PDE1C: variants seen among roughly 807,000 people sequenced by gnomAD.
PDE1C encodes dual specificity calcium/calmodulin-dependent 3',5'-cyclic nucleotide phosphodiesterase 1C.
A neutral mutation model predicts 93.1 loss-of-function variants in PDE1C; 62 were observed. The observed-to-expected ratio is 0.67, with a 90% CI of 0.54 to 0.82. PDE1C has a LOEUF of 0.82. PDE1C is among the 40% of genes least tolerant of loss of function. The probability of loss-of-function intolerance (pLI) is 0.00; values close to 1 mark genes in which losing one functional copy is unlikely to be tolerated. For synonymous variants in PDE1C, 325 were observed against 310.1 expected (o/e 1.05, Z -0.50); for missense variants, 742 against 884.6 (o/e 0.84, Z 2.04).
intron 1 of PDE1C, among the ~76,000 whole-genome samples, chr7:32,421,144 A>G (rs1785425080): frequency 6.6e-6 from 1 of 152,180 alleles, no homozygotes; most frequent in Admixed American, 6.5e-5. Context: ...TAAATTACAG[A>G]AAATATAACA....
At chr7:31,723,399 T>C in the PDE1C span, among the ~76,000 whole-genome samples, 1 of 152,240 alleles carries the variant, frequency 6.6e-6, no homozygotes, top group South Asian at 2.1e-4. Context: ...TCAGGATTGG[T>C]CCCCTCCTGA....
intron 1 of PDE1C, among the ~76,000 whole-genome samples, chr7:32,356,880 G>C (rs1005851729): frequency 6.6e-6 from 1 of 151,908 alleles, no homozygotes; most frequent in Non-Finnish European, 1.5e-5. Context: ...ATTCATCCCC[G>C]GGTTTGAAAA....
intron 16 of PDE1C, chr7:31,808,304 A>C (rs781730163): frequency 3.0e-5 from 11 of 370,574 alleles, no homozygotes; most frequent in Non-Finnish European, 5.7e-5. Flanking sequence ...TTTTTAGCTT[A>C]ATATGATGTC....
At chr7:31,652,558 C>A in the PDE1C span, 3 of 1,609,228 alleles carry the variant, frequency 1.9e-6, no homozygotes, top group Non-Finnish European at 2.5e-6. Flanking sequence ...GAACACTATT[C>A]AAATCTGCAT....
chr7:31,997,864 C>T (rs1211082032), intron 2 of PDE1C, among the ~76,000 whole-genome samples: 1 of 152,016 alleles, frequency 6.6e-6, no homozygotes, highest in Non-Finnish European at 1.5e-5. Flanking sequence ...ATTGGGATTC[C>T]AAAACTCTGC....
At chr7:32,322,381 C>A (rs1783312368) in intron 1 of PDE1C, among the ~76,000 whole-genome samples, 1 of 152,124 alleles carries the variant, frequency 6.6e-6, no homozygotes, top group Admixed American at 6.5e-5. Flanking sequence ...GCAGGAGGAT[C>A]ACTTGAGACC....
chr7:31,634,205 G>T, the PDE1C span, among the ~76,000 whole-genome samples: 3 of 152,150 alleles, frequency 2.0e-5, no homozygotes, highest in Non-Finnish European at 2.9e-5. Context: ...CCCAAGCAGG[G>T]TCCCCCTAAT....
intron 3 of PDE1C, among the ~76,000 whole-genome samples, chr7:32,082,063 G>A (rs1796698233): frequency 6.6e-6 from 1 of 152,266 alleles, no homozygotes; most frequent in East Asian, 1.9e-4. Context: ...GCGAGGCATT[G>A]CCTCACTCCA....
At chr7:32,242,659 A>G (rs1808627539) in intron 1 of PDE1C, among the ~76,000 whole-genome samples, 1 of 152,156 alleles carries the variant, frequency 6.6e-6, no homozygotes, top group Non-Finnish European at 1.5e-5. Flanking sequence ...GACTGGTGGC[A>G]GGAGCTTTAA....
intron 2 of PDE1C, among the ~76,000 whole-genome samples, chr7:31,900,486 G>C (rs989495244): frequency 6.7e-6 from 1 of 150,084 alleles, no homozygotes; most frequent in African/African-American, 2.4e-5. Context: ...TATTAGGTTA[G>C]AGATGGTTTA....
chr7:31,764,434 C>G (rs1052151141), intron 17 of PDE1C, among the ~76,000 whole-genome samples: 1 of 152,138 alleles, frequency 6.6e-6, no homozygotes, highest in African/African-American at 2.4e-5. Flanking sequence ...CATGAGCCAC[C>G]CTGCCCAGCC....
chr7:32,292,651 G>A (rs1485345866), intron 1 of PDE1C, among the ~76,000 whole-genome samples: 2 of 152,152 alleles, frequency 1.3e-5, no homozygotes, highest in Non-Finnish European at 2.9e-5. Flanking sequence ...GGAAGATGGG[G>A]TTCTAGATTT....
At chr7:31,742,217 G>A in the PDE1C span, among the ~76,000 whole-genome samples, 16 of 152,200 alleles carry the variant, frequency 1.1e-4, no homozygotes, top group Non-Finnish European at 2.1e-4. Context: ...CGTCCCATCG[G>A]ACTTCCACTT....
the PDE1C span, chr7:31,651,229 C>G: frequency 6.2e-7 from 1 of 1,613,556 alleles, no homozygotes; most frequent in Non-Finnish European, 8.5e-7. Context: ...CCTTATGGGA[C>G]AGCAGGCCCT....
intron 7 of PDE1C, among the ~76,000 whole-genome samples, chr7:31,853,741 A>T (rs1793643379): frequency 6.6e-6 from 1 of 151,546 alleles, no homozygotes; most frequent in East Asian, 1.9e-4. Context: ...ACAGGGTCTC[A>T]CTCTGTTGTC....
chr7:32,330,794 A>G (rs878892879), intron 1 of PDE1C, among the ~76,000 whole-genome samples: 3 of 152,226 alleles, frequency 2.0e-5, no homozygotes, highest in Admixed American at 6.5e-5. Flanking sequence ...TCCCCAGAAC[A>G]GAAGTCCCTA....
the PDE1C span, among the ~76,000 whole-genome samples, chr7:31,721,606 T>C: frequency 6.6e-6 from 1 of 152,170 alleles, no homozygotes; most frequent in African/African-American, 2.4e-5. Flanking sequence ...AGTTGCAAGA[T>C]ACCTTAGCAT....
intron 1 of PDE1C, among the ~76,000 whole-genome samples, chr7:32,423,325 T>G (rs1250660082): frequency 6.6e-6 from 1 of 152,130 alleles, no homozygotes; most frequent in Non-Finnish European, 1.5e-5. Flanking sequence ...TGCAGTAAGC[T>G]GTGACTGCAT....
chr7:31,736,234 G>A, the PDE1C span, among the ~76,000 whole-genome samples: 1 of 152,210 alleles, frequency 6.6e-6, no homozygotes, highest in Non-Finnish European at 1.5e-5. Flanking sequence ...GGAAATGTGG[G>A]CAGGCTTGCC....
Sources: allele counts gnomAD v4.1 joint callset (sites outside exome capture counted in the v4.1 genomes callset), GRCh38; gene constraint gnomAD v4.1.1; transcripts MANE v1.5; gene names NCBI Gene and HGNC (gene_info 2026-07-23, HGNC 2026-07-21).